Variants in BMPR1B observed in about 807,000 individuals in gnomAD.
BMPR1B encodes bone morphogenetic protein receptor type 1B, also known as bone morphogenetic protein receptor type-1B.
In BMPR1B, 12 loss-of-function variants were observed where a neutral mutation model predicts 59.1. That is an observed-to-expected ratio of 0.20 (90% CI 0.13 to 0.33). The LOEUF (loss-of-function observed/expected upper bound fraction) is 0.33, where lower values mean the gene tolerates loss of function less well. Among genes scored for constraint, BMPR1B ranks in the 10% least tolerant of loss-of-function variants. The probability of loss-of-function intolerance (pLI) is 1.00; values close to 1 mark genes in which losing one functional copy is unlikely to be tolerated. For missense variants in BMPR1B, 550 were observed against 610.9 expected, an observed-to-expected ratio of 0.90 and a Z score of 1.05; for synonymous variants, 237 against 207.3, an observed-to-expected ratio of 1.14 and a Z score of -1.23.
chr4:95,079,983 A>G (rs1189021390), intron 3 of BMPR1B, among the ~76,000 whole-genome samples: 1 of 152,168 alleles, frequency 6.6e-6, no homozygotes, highest in Non-Finnish European at 1.5e-5. Flanking sequence ...CCAATACTTC[A>G]TAACTGGCTG....
At chr4:94,914,764 C>T (rs899866687) in intron 2 of BMPR1B, among the ~76,000 whole-genome samples, 62 of 151,828 alleles carry the variant, frequency 4.1e-4, no homozygotes, top group African/African-American at 1.4e-3. Context: ...AATGGGTGAC[C>T]GACATACAGG....
At chr4:94,965,491 A>C (rs1294141089) in intron 2 of BMPR1B, among the ~76,000 whole-genome samples, 1 of 152,142 alleles carries the variant, frequency 6.6e-6, no homozygotes, top group Non-Finnish European at 1.5e-5. Context: ...CAAAGACTCC[A>C]TGCAAATCCA....
chr4:95,099,782 A>G (rs533187226), intron 3 of BMPR1B, among the ~76,000 whole-genome samples: 27 of 152,232 alleles, frequency 1.8e-4, no homozygotes, highest in Non-Finnish European at 2.8e-4. Context: ...AAATAACTGT[A>G]CTACTCTTTC....
intron 2 of BMPR1B, among the ~76,000 whole-genome samples, chr4:94,915,850 G>A (rs1728463365): frequency 6.6e-6 from 1 of 152,144 alleles, no homozygotes; most frequent in Non-Finnish European, 1.5e-5. Context: ...GGGCCTAGTG[G>A]GAGGTGTTTC....
intron 1 of BMPR1B, among the ~76,000 whole-genome samples, chr4:94,859,755 A>G (rs1242066142): frequency 6.6e-6 from 1 of 152,146 alleles, no homozygotes; most frequent in Non-Finnish European, 1.5e-5. Flanking sequence ...GAAGTATTTA[A>G]TATTTGAGAA....
rs1458031424 is a variant in BMPR1B at position 94,758,106 on chromosome 4, G to A, written c.-183+38G>A. 4.2e-4 allele frequency: 63 copies of A among 149,014 alleles called. 1 individual carries two copies. In the South Asian group the frequency reaches 0.011, roughly 27 times the overall value. 9.2% of individuals were successfully genotyped at this position (149,014 alleles called of 1,614,324 possible). A position where few individuals can be genotyped will look rare whatever the true frequency, so the allele number is the denominator to read the frequency against. On this transcript the variant is annotated intron_variant, in intron 1 of 12. Transcript: ENST00000515059. ...CGGCGGGGCCCCGTCCCCTGCGGGT[G>A]GCCGAGTTCCCGAGCGCGCGGGAGG...
intron 1 of BMPR1B, among the ~76,000 whole-genome samples, chr4:94,848,743 C>G (rs899322280): frequency 6.6e-6 from 1 of 152,136 alleles, no homozygotes; most frequent in African/African-American, 2.4e-5. Flanking sequence ...CTGCTAGAGG[C>G]TACTGAAGCG....
chr4:94,883,078 T>C (rs986927527), intron 2 of BMPR1B, among the ~76,000 whole-genome samples: 3 of 152,100 alleles, frequency 2.0e-5, no homozygotes, highest in Non-Finnish European at 4.4e-5. Context: ...TCTACTCATC[T>C]GCCTTTGCAG....
intron 10 of BMPR1B, among the ~76,000 whole-genome samples, chr4:95,138,426 T>C (rs188986089): frequency 2.1e-4 from 32 of 152,326 alleles, no homozygotes; most frequent in Middle Eastern, 3.4e-3. Flanking sequence ...TGGTGTTTTC[T>C]GTATTTCCTG....
chr4:94,913,171 C>T (rs1384765140), intron 2 of BMPR1B, among the ~76,000 whole-genome samples: 1 of 151,982 alleles, frequency 6.6e-6, no homozygotes, highest in Non-Finnish European at 1.5e-5. Flanking sequence ...AAATAATTTT[C>T]AAGTGGGCAA....
intron 2 of BMPR1B, among the ~76,000 whole-genome samples, chr4:94,983,928 C>T (rs1018476185): frequency 3.3e-5 from 5 of 152,060 alleles, no homozygotes; most frequent in African/African-American, 1.2e-4. Flanking sequence ...AGGTACTAAG[C>T]AAGTGTTTAT....
chr4:95,058,341 GA>G (rs1727085406), intron 3 of BMPR1B, among the ~76,000 whole-genome samples: 1 of 152,140 alleles, frequency 6.6e-6, no homozygotes, highest in Admixed American at 6.5e-5. Context: ...AGTACCTGGT[GA>G]AAATTGTCTT....
chr4:95,105,114 A>G (rs958275066), intron 4 of BMPR1B, among the ~76,000 whole-genome samples: 6 of 152,156 alleles, frequency 3.9e-5, no homozygotes, highest in African/African-American at 1.4e-4. Flanking sequence ...ATGTTCTTAT[A>G]GATACTTTAT....
intron 3 of BMPR1B, among the ~76,000 whole-genome samples, chr4:95,003,152 C>T (rs1027969203): frequency 2.0e-5 from 3 of 152,010 alleles, no homozygotes; most frequent in African/African-American, 7.2e-5. Context: ...TTCTCAATAT[C>T]TTTTGAAACT....
At chr4:94,837,220 T>G (rs1253528009) in intron 1 of BMPR1B, among the ~76,000 whole-genome samples, 4 of 148,268 alleles carry the variant, frequency 2.7e-5, no homozygotes, top group Admixed American at 2.0e-4. Flanking sequence ...TCTTTTGGCT[T>G]AGGATTGACT....
chr4:95,146,765 TC>T (rs1210572784), intron 10 of BMPR1B, among the ~76,000 whole-genome samples: 1 of 152,180 alleles, frequency 6.6e-6, no homozygotes, highest in African/African-American at 2.4e-5. Context: ...ATTAGTGAAA[TC>T]CCTACTCTGC....
chr4:94,868,220 G>A (rs1726328050), intron 1 of BMPR1B, among the ~76,000 whole-genome samples: 1 of 151,526 alleles, frequency 6.6e-6, no homozygotes, highest in African/African-American at 2.4e-5. Context: ...CCAGACAGGA[G>A]TGCAGTGGGG....
At chr4:95,153,739 A>G (rs543292229) in intron 12 of BMPR1B, among the ~76,000 whole-genome samples, 2 of 152,150 alleles carry the variant, frequency 1.3e-5, no homozygotes, top group South Asian at 4.2e-4. Context: ...ATTCCCACCT[A>G]CTCGGGAGAT....
intron 4 of BMPR1B, among the ~76,000 whole-genome samples, chr4:95,108,980 C>A (rs897177373): frequency 6.6e-6 from 1 of 151,972 alleles, no homozygotes; most frequent in East Asian, 1.9e-4. Context: ...GTTTCCTGTC[C>A]TAGCAAGTGT....
Sources: allele counts gnomAD v4.1 joint callset (sites outside exome capture counted in the v4.1 genomes callset), GRCh38; gene constraint gnomAD v4.1.1; transcripts MANE v1.5; gene names NCBI Gene and HGNC (gene_info 2026-07-23, HGNC 2026-07-21).